The following WWOX variants were observed in gnomAD, a reference collection of about 807,000 sequenced individuals.
The protein encoded by WWOX is WW domain-containing oxidoreductase.
Under a neutral mutation model 46.2 loss-of-function variants are expected in WWOX, and 69 were observed. That is an observed-to-expected ratio of 1.49 (90% CI 1.23 to 1.82). WWOX has a LOEUF of 1.82. WWOX is among the 40% of genes most tolerant of loss of function. The pLI is 0.00. For missense variants in WWOX, 919 were observed against 542.6 expected (o/e 1.69, Z -6.89); for synonymous variants, 359 against 202.6 (o/e 1.77, Z -6.56).
At chr16:79,026,314 G>T (rs540914754) in intron 8 of WWOX, among the ~76,000 whole-genome samples, 3 of 151,690 alleles carry the variant, frequency 2.0e-5, no homozygotes, top group East Asian at 1.9e-4. Flanking sequence ...CACATCCTCT[G>T]CCGGGGAGGC....
chr16:78,922,553 A>G (rs2045403591), intron 8 of WWOX, among the ~76,000 whole-genome samples: 1 of 151,902 alleles, frequency 6.6e-6, no homozygotes, highest in African/African-American at 2.4e-5. Flanking sequence ...TAATTTTTGT[A>G]TTTTTAGTAG....
chr16:79,103,499 G>A (rs1043060818), intron 8 of WWOX, among the ~76,000 whole-genome samples: 3 of 152,114 alleles, frequency 2.0e-5, no homozygotes, highest in African/African-American at 7.2e-5. Flanking sequence ...GCCCCCACTG[G>A]GAACCCTTAG....
chr16:78,909,397 C>G (rs530360319), intron 8 of WWOX, among the ~76,000 whole-genome samples: 2 of 152,160 alleles, frequency 1.3e-5, no homozygotes, highest in Non-Finnish European at 2.9e-5. Context: ...TGTTATTAAA[C>G]TTTATGGACC....
At chr16:78,399,605 A>C (rs778541126) in intron 6 of WWOX, among the ~76,000 whole-genome samples, 2 of 152,188 alleles carry the variant, frequency 1.3e-5, no homozygotes, top group Non-Finnish European at 2.9e-5. Flanking sequence ...CAATGCAGCA[A>C]ATCCCCGGCG....
chr16:78,193,517 A>G (rs2035946779), intron 5 of WWOX, among the ~76,000 whole-genome samples: 1 of 152,278 alleles, frequency 6.6e-6, no homozygotes, highest in South Asian at 2.1e-4. Context: ...CCCATTAACC[A>G]CACATGAATG....
intron 5 of WWOX, among the ~76,000 whole-genome samples, chr16:78,326,049 C>T (rs1333493832): frequency 2.6e-5 from 4 of 152,110 alleles, no homozygotes; most frequent in Non-Finnish European, 5.9e-5. Context: ...TACCCTTAAG[C>T]AGAAGGGGGA....
At chr16:78,468,728 T>C (rs548678507) in intron 8 of WWOX, among the ~76,000 whole-genome samples, 2 of 152,322 alleles carry the variant, frequency 1.3e-5, no homozygotes, top group South Asian at 2.1e-4. Flanking sequence ...GGAGGGATGA[T>C]GGTACTTACC....
chr16:78,869,608 G>T (rs911284361), intron 8 of WWOX, among the ~76,000 whole-genome samples: 4 of 152,210 alleles, frequency 2.6e-5, no homozygotes, highest in African/African-American at 9.6e-5. Context: ...GCATGGGCTC[G>T]TTGGGAAAGG....
chr16:78,771,046 G>A (rs986352015), intron 8 of WWOX, among the ~76,000 whole-genome samples: 2 of 152,224 alleles, frequency 1.3e-5, no homozygotes, highest in Admixed American at 6.5e-5. Flanking sequence ...GGAACCGCAC[G>A]TGCAAAGGCC....
At chr16:78,654,338 A>G (rs2142152809) in intron 8 of WWOX, among the ~76,000 whole-genome samples, 1 of 152,342 alleles carries the variant, frequency 6.6e-6, no homozygotes, top group Middle Eastern at 3.4e-3. Context: ...TACAATCATC[A>G]TCGTCATCCT....
At chr16:78,332,006 G>A (rs1446920021) in intron 5 of WWOX, among the ~76,000 whole-genome samples, 1 of 152,166 alleles carries the variant, frequency 6.6e-6, no homozygotes, top group South Asian at 2.1e-4. Context: ...AGCCGAGGAA[G>A]GTCAAGTTTG....
chr16:78,622,420 T>C (rs2151646004), intron 8 of WWOX, among the ~76,000 whole-genome samples: 1 of 152,030 alleles, frequency 6.6e-6, no homozygotes, highest in Admixed American at 6.6e-5. Context: ...TGTACACCCA[T>C]AATCCCAGGT....
At position 78,783,218 on chromosome 16, in the gene WWOX, A is replaced by C. The variant is rs547272202; in HGVS notation, c.1056+350466A>C. On this transcript the variant is annotated intron_variant, in intron 8 of 8. Transcript: ENST00000566780. ...ATTGGAGATACATGCACCAGACTTGACTTAACTGTTCTCTTAGTCATCAGA... is the reference window on the plus strand; with the variant it reads ...ATTGGAGATACATGCACCAGACTTGCCTTAACTGTTCTCTTAGTCATCAGA... Among the ~76,000 whole-genome samples, 4 of 152,314 alleles carry C rather than the reference A, an allele frequency of 2.6e-5. No individual in the cohort carries two copies. The South Asian group carries it at 8.3e-4, about 32-fold the overall frequency.
At chr16:78,254,869 A>G (rs1322832968) in intron 5 of WWOX, among the ~76,000 whole-genome samples, 1 of 151,466 alleles carries the variant, frequency 6.6e-6, no homozygotes, top group Non-Finnish European at 1.5e-5. Flanking sequence ...TCTGATATGC[A>G]CCTCTCATAC....
intron 8 of WWOX, among the ~76,000 whole-genome samples, chr16:78,580,766 C>G (rs1377682842): frequency 6.6e-6 from 1 of 152,202 alleles, no homozygotes; most frequent in Non-Finnish European, 1.5e-5. Flanking sequence ...TGTGAGAAGT[C>G]TGCTAATTAT....
intron 5 of WWOX, among the ~76,000 whole-genome samples, chr16:78,230,119 A>G (rs2037205137): frequency 2.0e-5 from 3 of 152,218 alleles, no homozygotes; most frequent in South Asian, 2.1e-4. Flanking sequence ...GGCTCTAGCA[A>G]TCCTCCCACC....
chr16:78,125,981 C>T (rs1470365044), intron 4 of WWOX, among the ~76,000 whole-genome samples: 1 of 152,114 alleles, frequency 6.6e-6, no homozygotes, highest in Non-Finnish European at 1.5e-5. Flanking sequence ...AACCCCAATT[C>T]TTACCAGTTA....
At chr16:79,108,939 C>T (rs1483716380) in intron 8 of WWOX, among the ~76,000 whole-genome samples, 1 of 151,484 alleles carries the variant, frequency 6.6e-6, no homozygotes, top group Non-Finnish European at 1.5e-5. Flanking sequence ...TTTTAATCGC[C>T]ATAATCTTGT....
intron 8 of WWOX, among the ~76,000 whole-genome samples, chr16:78,770,101 C>G (rs578146226): frequency 1.2e-3 from 189 of 152,066 alleles, no homozygotes; most frequent in Middle Eastern, 3.4e-3. Flanking sequence ...CATGTAATCC[C>G]AGCACTTTGG....
Sources: allele counts gnomAD v4.1 joint callset (sites outside exome capture counted in the v4.1 genomes callset), GRCh38; gene constraint gnomAD v4.1.1; transcripts MANE v1.5; gene names NCBI Gene and HGNC (gene_info 2026-07-23, HGNC 2026-07-21).